Variants in ATRX observed in about 807,000 individuals in gnomAD.
ATRX encodes the protein ATRX chromatin remodeler, also known as chromatin remodeler ATRX.
Under a neutral mutation model 172.6 loss-of-function variants are expected in ATRX, and 12 were observed. The ratio of observed to expected loss-of-function variants is 0.07; its 90% CI spans 0.04 to 0.11. ATRX has a LOEUF of 0.11. Ranked by LOEUF, ATRX falls within the 10% of genes least tolerant of loss-of-function variation. ATRX has a pLI of 1.00. For missense variants in ATRX, 1,368 were observed against 1,767.4 expected, an observed-to-expected ratio of 0.77 and a Z score of 4.05; for synonymous variants, 674 against 594.7, an observed-to-expected ratio of 1.13 and a Z score of -1.94.
intron 5 of ATRX, among the ~76,000 whole-genome samples, chrX:77,695,640 G>A: frequency 9.0e-6 from 1 of 111,386 alleles, no homozygotes; most frequent in Middle Eastern, 4.6e-3. Context: ...GCAAAACTAA[G>A]TAAGCGGTAG....
At chrX:77,710,881 T>C (rs1410305956) in intron 2 of ATRX, among the ~76,000 whole-genome samples, 12 of 109,181 alleles carry the variant, frequency 1.1e-4, no homozygotes, top group Non-Finnish European at 1.7e-4. Context: ...ATCTCAACTG[T>C]GGTGGTAGAT....
At chrX:77,531,078 A>C (rs2063560855) in intron 30 of ATRX, among the ~76,000 whole-genome samples, 1 of 111,911 alleles carries the variant, frequency 8.9e-6, no homozygotes. Context: ...CCAAGACTGA[A>C]CCAGGAAAAA....
At chrX:77,741,525 G>A (rs935044795) in intron 1 of ATRX, among the ~76,000 whole-genome samples, 4 of 110,669 alleles carry the variant, frequency 3.6e-5, no homozygotes, top group African/African-American at 6.6e-5. Flanking sequence ...GCAGTGGCAC[G>A]ATCTCAGCTC....
chrX:77,638,309 A>G (rs1557109415), intron 15 of ATRX, among the ~76,000 whole-genome samples: 1 of 112,031 alleles, frequency 8.9e-6, no homozygotes, highest in Non-Finnish European at 1.9e-5. Context: ...TAAAAATACA[A>G]TAACAACAAC....
At chrX:77,766,640 G>A (rs1557196071) in intron 1 of ATRX, among the ~76,000 whole-genome samples, 1 of 106,461 alleles carries the variant, frequency 9.4e-6, no homozygotes, top group East Asian at 3.0e-4. Flanking sequence ...GGGCAGAGAC[G>A]CTCCTCACTT....
At chrX:77,750,701 C>G (rs1401989502) in intron 1 of ATRX, among the ~76,000 whole-genome samples, 1 of 108,709 alleles carries the variant, frequency 9.2e-6, no homozygotes, top group Non-Finnish European at 1.9e-5. Context: ...CCTGACAGGC[C>G]CCAATGTGTA....
chrX:77,567,169 CAGGA>C (rs1557064935), intron 28 of ATRX, among the ~76,000 whole-genome samples: 1 of 110,462 alleles, frequency 9.1e-6, no homozygotes, highest in Non-Finnish European at 1.9e-5. Context: ...AACTAACCCA[CAGGA>C]AGGGAGGAAA....
In ATRX at chrX:77,519,199, C is replaced by T. The variant is rs782055279; in HGVS notation, c.7200+1589G>A. On this transcript the variant is annotated intron_variant, in intron 34 of 34. Coordinates refer to ENST00000373344, the MANE Select transcript of ATRX (RefSeq NM_000489.6). ...TCTGCACAGCAAAGGAAACAATCAA[C>T]AAGGCGAAGAGACAACCCACAGAAT... 8.1e-5 allele frequency among the ~76,000 whole-genome samples: 9 copies of T among 111,558 alleles called. No homozygotes were observed. In the South Asian group the frequency reaches 3.0e-3, roughly 37 times the overall value.
chrX:77,654,166 G>A lies in ATRX; in HGVS notation c.4249C>T (p.Arg1417Trp), dbSNP rs1557118764. 9.1e-6 allele frequency: 11 copies of A among 1,209,564 alleles called. No homozygotes were observed. The highest frequency in any genetic ancestry group is 3.5e-5 in the South Asian group (2 of 56,943). ...CTTTTCTTTTTCTGTTTATAGCTCC[G>A]CTGATTTTCTTCCAACTCTGCTTTC... ...AKKAELEENQ[R>W]SYKQKKKRRR... Residue 1417 changes from arginine to tryptophan, a missense_variant, in exon 14 of 35, where the codon CGG (arginine) becomes TGG (tryptophan). Arg to Trp is a moderately radical substitution (Grantham distance 101). Coordinates refer to ENST00000373344, the MANE Select transcript of ATRX (RefSeq NM_000489.6).
At chrX:77,569,758 A>C (rs1440645101) in intron 28 of ATRX, among the ~76,000 whole-genome samples, 1 of 112,232 alleles carries the variant, frequency 8.9e-6, no homozygotes, top group African/African-American at 3.2e-5. Flanking sequence ...AGATCAACTA[A>C]TGGAGACATA....
At chrX:77,721,109 T>G (rs2073738378) in intron 1 of ATRX, among the ~76,000 whole-genome samples, 1 of 111,513 alleles carries the variant, frequency 9.0e-6, no homozygotes, top group Admixed American at 9.6e-5. Context: ...AGAAAAGGAC[T>G]TCAATAAAAT....
At position 77,521,592 on chromosome X, in the gene ATRX, G is replaced by A. The variant is rs782610681; in HGVS notation, c.6976-94C>T. 103 of 658,235 alleles carry A rather than the reference G, an allele frequency of 1.6e-4. No homozygotes were observed. In the African/African-American group the frequency reaches 2.0e-3, roughly 13 times the overall value. 54.2% of individuals were successfully genotyped at this position (658,235 alleles called of 1,213,427 possible). A position where few individuals can be genotyped will look rare whatever the true frequency, so the allele number is the denominator to read the frequency against. The stretch of plus-strand genomic sequence containing the variant: ...TTCCATTTGCCAACTTAGAGCAGTC[G>A]GTTTTAAAACTCTTTAAATAATTGA... On this transcript the variant is annotated intron_variant, in intron 32 of 34. Coordinates refer to ENST00000373344, the MANE Select transcript of ATRX (RefSeq NM_000489.6).
At chrX:77,761,020 C>A in intron 1 of ATRX, among the ~76,000 whole-genome samples, 1 of 111,556 alleles carries the variant, frequency 9.0e-6, no homozygotes, top group Non-Finnish European at 1.9e-5. Flanking sequence ...CTTGTTTATT[C>A]AACAAGCATT....
chrX:77,604,606 G>T (rs2066828550), intron 22 of ATRX, among the ~76,000 whole-genome samples: 1 of 111,845 alleles, frequency 8.9e-6, no homozygotes, highest in Admixed American at 9.5e-5. Flanking sequence ...ACTAAAAATA[G>T]AACTAACATT....
chrX:77,683,621 T>C lies in ATRX; in HGVS notation c.1635A>G (p.Gln545=). The C allele has an allele frequency of 3.3e-6, 4 of 1,211,818 alleles. No homozygotes were observed. Among genetic ancestry groups the C allele is most frequent in the Non-Finnish European group, 4.5e-6 (4 of 895,374 alleles). The part of the protein sequence containing the change: ...AMEVQSSVDH[Q]GDGSSGTEQE... ...GTTCAGTTCCACTGCTGCCATCCCCTTGATGATCAACTGAACTCTGAACTT... is the reference window on the plus strand; with the variant it reads ...GTTCAGTTCCACTGCTGCCATCCCCCTGATGATCAACTGAACTCTGAACTT... The change falls in exon 9 of 35, where the codon CAA becomes CAG. Residue 545 remains glutamine, a synonymous_variant. Transcript: ENST00000373344.
intron 22 of ATRX, among the ~76,000 whole-genome samples, chrX:77,601,765 C>A (rs1569529042): frequency 9.0e-6 from 1 of 111,452 alleles, no homozygotes; most frequent in Admixed American, 9.6e-5. Flanking sequence ...TTTGCCTCCA[C>A]GAGTGAGAGA....
chrX:77,686,234 C>T (rs782142725), intron 7 of ATRX, among the ~76,000 whole-genome samples: 2 of 112,288 alleles, frequency 1.8e-5, no homozygotes, highest in Non-Finnish European at 3.8e-5. Context: ...AGGATAAATG[C>T]TTGAGGGGAT....
chrX:77,719,366 A>C (rs1435479274), intron 1 of ATRX, among the ~76,000 whole-genome samples: 1 of 111,811 alleles, frequency 8.9e-6, no homozygotes, highest in Non-Finnish European at 1.9e-5. Flanking sequence ...ATCATTAGTC[A>C]TATCAGGGAA....
At chrX:77,655,321 T>A (rs180916007) in intron 13 of ATRX, among the ~76,000 whole-genome samples, 196 of 110,777 alleles carry the variant, frequency 1.8e-3, no homozygotes, top group Non-Finnish European at 2.6e-3. Context: ...AGATGGTAAA[T>A]GTTATGTGCA....
Sources: gnomAD v4.1 joint callset for allele counts (sites outside exome capture counted in the v4.1 genomes callset) on GRCh38, gnomAD v4.1.1 for gene constraint, MANE v1.5 for transcripts, NCBI Gene and HGNC (gene_info 2026-07-23, HGNC 2026-07-21) for gene names.